SPATA17: variants seen among roughly 807,000 people sequenced by gnomAD.
SPATA17 encodes the protein spermatogenesis-associated protein 17.
In SPATA17, 53 loss-of-function variants were observed where a neutral mutation model predicts 62.2. The ratio of observed to expected loss-of-function variants is 0.85; its 90% CI spans 0.68 to 1.07. SPATA17 has a LOEUF of 1.07. Ranked by LOEUF, SPATA17 falls within the 50% of genes least tolerant of loss-of-function variation. The pLI, the probability that SPATA17 is intolerant of heterozygous loss-of-function variation, is 0.00. For missense variants in SPATA17, 466 were observed against 425.5 expected (o/e 1.10, Z -0.84); for synonymous variants, 146 against 146.8 (o/e 0.99, Z 0.04).
At chr1:217,706,778 T>C (rs1407115281) in intron 5 of SPATA17, among the ~76,000 whole-genome samples, 1 of 152,206 alleles carries the variant, frequency 6.6e-6, no homozygotes, top group Non-Finnish European at 1.5e-5. Flanking sequence ...CTTTGAGCAG[T>C]CTTTTGTAAT....
intron 4 of SPATA17, among the ~76,000 whole-genome samples, chr1:217,671,932 C>T (rs1449545511): frequency 1.3e-5 from 2 of 152,126 alleles, no homozygotes; most frequent in African/African-American, 4.8e-5. Flanking sequence ...ATTTCATGTT[C>T]CTGAGTTGAG....
chr1:217,709,987 C>G (rs1468988967), intron 5 of SPATA17, among the ~76,000 whole-genome samples: 2 of 152,090 alleles, frequency 1.3e-5, no homozygotes, highest in African/African-American at 4.8e-5. Context: ...GGGGTTAAAT[C>G]ATTTAAAGAA....
rs186896829 is a variant in SPATA17, at chr1:217,804,032, A to G, written c.1005+2182A>G. 2.0e-3 allele frequency among the ~76,000 whole-genome samples: 305 copies of G among 152,126 alleles called. 2 individuals are homozygous for G. Among genetic ancestry groups the G allele is most frequent in the East Asian group, 0.01 (52 of 5,168 alleles). Reference sequence around the variant, plus strand: ...GACTGTCTCAAAAGAGGAAAAAAAAAAAGAAGAAGAAAAGAAAAAACAATC... The same window carrying G: ...GACTGTCTCAAAAGAGGAAAAAAAAGAAGAAGAAGAAAAGAAAAAACAATC... On this transcript the variant is annotated intron_variant, in intron 9 of 10. Coordinates refer to ENST00000366933, the MANE Select transcript of SPATA17 (RefSeq NM_138796.4).
chr1:217,642,954 C>T (rs1670098447), intron 1 of SPATA17, among the ~76,000 whole-genome samples: 1 of 152,106 alleles, frequency 6.6e-6, no homozygotes, highest in Non-Finnish European at 1.5e-5. Context: ...ATCCATTTTT[C>T]CAAAGAGCCT....
intron 4 of SPATA17, among the ~76,000 whole-genome samples, chr1:217,678,688 A>G (rs1331264522): frequency 6.6e-6 from 1 of 152,210 alleles, no homozygotes; most frequent in Non-Finnish European, 1.5e-5. Context: ...AACATTATTT[A>G]TAAGACCACT....
At chr1:217,755,408 A>G (rs949608291) in intron 6 of SPATA17, among the ~76,000 whole-genome samples, 2 of 152,042 alleles carry the variant, frequency 1.3e-5, no homozygotes, top group South Asian at 2.1e-4. Context: ...CTTTCTTTAA[A>G]TTTTAATTTG....
intron 3 of SPATA17, among the ~76,000 whole-genome samples, chr1:217,661,170 A>G (rs187706728): frequency 4.4e-4 from 67 of 152,250 alleles, no homozygotes; most frequent in African/African-American, 1.5e-3. Context: ...GTATGTGAAC[A>G]GTACAGAATG....
intron 4 of SPATA17, among the ~76,000 whole-genome samples, chr1:217,679,498 G>A (rs563071352): frequency 6.6e-6 from 1 of 152,256 alleles, no homozygotes; most frequent in Admixed American, 6.5e-5. Context: ...CTCAAATGCT[G>A]TTTCCTCCAG....
chr1:217,769,116 A>T (rs1336070278), intron 6 of SPATA17, among the ~76,000 whole-genome samples: 1 of 152,222 alleles, frequency 6.6e-6, no homozygotes, highest in Non-Finnish European at 1.5e-5. Context: ...ATGGAAGAAG[A>T]TATCAAAAAG....
intron 5 of SPATA17, among the ~76,000 whole-genome samples, chr1:217,737,322 G>A (rs1469395933): frequency 6.6e-6 from 1 of 152,198 alleles, no homozygotes; most frequent in Admixed American, 6.6e-5. Flanking sequence ...GAGGATTAAA[G>A]TGCTGATACT....
In SPATA17 at chr1:217,782,379, A is replaced by G. The variant is rs1301970102; in HGVS notation, c.872+57A>G. ...ACATATTTGGTGCCTTAAATTTTCT[A>G]ATTTTTTTATTTTCTAATACTGTAA... On this transcript the variant is annotated intron_variant, in intron 8 of 10. Coordinates refer to ENST00000366933, the MANE Select transcript of SPATA17 (RefSeq NM_138796.4). The G allele has an allele frequency of 4.7e-6, 7 of 1,500,330 alleles. No individual in the cohort carries two copies. In the Admixed American group the frequency reaches 9.4e-5, roughly 20 times the overall value. 92.9% of individuals were successfully genotyped at this position (1,500,330 alleles called of 1,614,324 possible). A position where few individuals can be genotyped will look rare whatever the true frequency, so the allele number is the denominator to read the frequency against.
chr1:217,770,665 T>C (rs1276845825), intron 6 of SPATA17, among the ~76,000 whole-genome samples: 1 of 152,154 alleles, frequency 6.6e-6, no homozygotes, highest in Non-Finnish European at 1.5e-5. Context: ...TGGAATAAAA[T>C]AGTAGGTGCT....
chr1:217,634,955 T>C (rs1669904523), intron 1 of SPATA17, among the ~76,000 whole-genome samples: 1 of 152,192 alleles, frequency 6.6e-6, no homozygotes, highest in African/African-American at 2.4e-5. Context: ...TAGTAATTCC[T>C]AGCTTCATTT....
chr1:217,729,411 TA>T (rs1342889307), intron 5 of SPATA17, among the ~76,000 whole-genome samples: 5 of 152,226 alleles, frequency 3.3e-5, no homozygotes, highest in African/African-American at 4.8e-5. Context: ...AACCTCATTT[TA>T]AAAACATAAT....
chr1:217,646,884 ACT>A (rs1670194649), intron 1 of SPATA17, among the ~76,000 whole-genome samples: 2 of 152,056 alleles, frequency 1.3e-5, no homozygotes, highest in Admixed American at 6.6e-5. Context: ...ACAGAGCAAG[ACT>A]CTGTTTCAAA....
At chr1:217,793,558 G>A (rs192754015) in intron 8 of SPATA17, among the ~76,000 whole-genome samples, 4 of 152,216 alleles carry the variant, frequency 2.6e-5, no homozygotes, top group Non-Finnish European at 5.9e-5. Flanking sequence ...GCATCACCTT[G>A]AGGTTTAAAA....
chr1:217,696,641 CTGATAAT>C (rs1671468146), intron 5 of SPATA17, among the ~76,000 whole-genome samples: 2 of 152,156 alleles, frequency 1.3e-5, no homozygotes, highest in Admixed American at 6.5e-5. Flanking sequence ...TATTCTGCAT[CTGATAAT>C]TGTAATATTG....
chr1:217,755,998 G>A (rs1259495911), intron 6 of SPATA17, among the ~76,000 whole-genome samples: 1 of 151,950 alleles, frequency 6.6e-6, no homozygotes, highest in African/African-American at 2.4e-5. Context: ...CTTGCTATTG[G>A]TTTTATGGTT....
At chr1:217,844,084 T>C (rs1296719710) in intron 9 of SPATA17, among the ~76,000 whole-genome samples, 1 of 152,150 alleles carries the variant, frequency 6.6e-6, no homozygotes, top group Non-Finnish European at 1.5e-5. Context: ...TGACGCAGTT[T>C]CGTAGATACT....
Sources: allele counts gnomAD v4.1 joint callset (sites outside exome capture counted in the v4.1 genomes callset), GRCh38; gene constraint gnomAD v4.1.1; transcripts MANE v1.5; gene names NCBI Gene and HGNC (gene_info 2026-07-23, HGNC 2026-07-21).